Variants in ADAM32 observed in about 807,000 individuals in gnomAD.
ADAM32 encodes the protein disintegrin and metalloproteinase domain-containing protein 32.
A neutral mutation model predicts 114.9 loss-of-function variants in ADAM32; 89 were observed. The observed-to-expected ratio is 0.77, with a 90% CI of 0.65 to 0.92. The LOEUF (loss-of-function observed/expected upper bound fraction) is 0.92, where lower values mean the gene tolerates loss of function less well. Ranked by LOEUF, ADAM32 falls within the 40% of genes least tolerant of loss-of-function variation. The pLI, the probability that ADAM32 is intolerant of heterozygous loss-of-function variation, is 0.00. For missense variants in ADAM32, 870 were observed against 932.8 expected (o/e 0.93, Z 0.88); for synonymous variants, 285 against 307.5 (o/e 0.93, Z 0.77).
In ADAM32 at chr8:39,246,407, G is replaced by C. The variant is rs576536651; in HGVS notation, c.1902+241G>C. On this transcript the variant is annotated intron_variant, in intron 17 of 24. Transcript: ENST00000379907. ...TGTTATAATTGGGTACTTTTCAGAG[G>C]GTGTTAAATTTTCTGATAAATACAT... Among the ~76,000 whole-genome samples, 9 of 152,128 alleles carry C rather than the reference G, an allele frequency of 5.9e-5. No homozygotes were observed. In the East Asian group the frequency reaches 1.3e-3, roughly 23 times the overall value.
At chr8:39,196,029 C>T (rs1318194082) in intron 11 of ADAM32, among the ~76,000 whole-genome samples, 4 of 151,916 alleles carry the variant, frequency 2.6e-5, no homozygotes, top group African/African-American at 9.7e-5. Context: ...ATCTCTGTTT[C>T]GTAGTTTTTG....
At chr8:39,213,574 G>T (rs563738416) in intron 12 of ADAM32, among the ~76,000 whole-genome samples, 37 of 152,036 alleles carry the variant, frequency 2.4e-4, no homozygotes, top group African/African-American at 8.0e-4. Context: ...ATATTTATGG[G>T]TTACATGAGA....
chr8:39,109,440 G>C (rs370327956), intron 1 of ADAM32, among the ~76,000 whole-genome samples: 1 of 152,016 alleles, frequency 6.6e-6, no homozygotes, highest in Admixed American at 6.6e-5. Context: ...CCAGCTACTC[G>C]GGAAGCTGAG....
chr8:39,153,777 C>G (rs529519026), intron 6 of ADAM32, among the ~76,000 whole-genome samples: 1 of 152,224 alleles, frequency 6.6e-6, no homozygotes, highest in African/African-American at 2.4e-5. Flanking sequence ...CATATAAATC[C>G]TGTCTCAGAT....
chr8:39,141,188 C>T (rs1463472790), intron 3 of ADAM32, among the ~76,000 whole-genome samples: 2 of 152,122 alleles, frequency 1.3e-5, no homozygotes, highest in African/African-American at 4.8e-5. Context: ...TCTCCATATC[C>T]ATCAGTTCTG....
intron 19 of ADAM32, among the ~76,000 whole-genome samples, chr8:39,259,665 GTTA>G (rs771787122): frequency 3.0e-4 from 45 of 151,852 alleles, no homozygotes; most frequent in Non-Finnish European, 7.4e-5. Context: ...TGTTATTTTT[GTTA>G]TTATCATCTT....
At chr8:39,234,811 A>G (rs757357746) in intron 16 of ADAM32, among the ~76,000 whole-genome samples, 1 of 152,250 alleles carries the variant, frequency 6.6e-6, no homozygotes, top group Non-Finnish European at 1.5e-5. Context: ...GTAGAACACA[A>G]CATCCAAATA....
At chr8:39,194,708 C>T (rs1233122285) in intron 11 of ADAM32, among the ~76,000 whole-genome samples, 1 of 152,122 alleles carries the variant, frequency 6.6e-6, no homozygotes, top group African/African-American at 2.4e-5. Context: ...GGAGAGTCCA[C>T]CAGTTAGAGG....
chr8:39,203,827 G>C (rs1036267154), intron 11 of ADAM32, among the ~76,000 whole-genome samples: 1 of 152,128 alleles, frequency 6.6e-6, no homozygotes, highest in African/African-American at 2.4e-5. Flanking sequence ...GGCAGGCCTG[G>C]TGGTGACAAA....
At chr8:39,261,736 A>C (rs553324564) in intron 19 of ADAM32, among the ~76,000 whole-genome samples, 6 of 152,214 alleles carry the variant, frequency 3.9e-5, no homozygotes, top group African/African-American at 1.4e-4. Flanking sequence ...TTTTGATAAA[A>C]GCCATACTAA....
rs1811721527 is a variant in ADAM32 at position 39,257,355 on chromosome 8, T to C, written c.2162+12T>C. 1 of 1,612,628 alleles carries C rather than the reference T, an allele frequency of 6.2e-7. No homozygotes were observed. The highest frequency in any genetic ancestry group is 1.3e-5 in the African/African-American group (1 of 74,876). ...TTCCCAAGTAGCGAGTAAATTGCAT[T>C]TGTGTTCTGAAGTTAAACATTAGTA... On this transcript the variant is annotated intron_variant, in intron 19 of 24. Transcript: ENST00000379907.
At chr8:39,146,113 G>A (rs764911191) in intron 3 of ADAM32, among the ~76,000 whole-genome samples, 3 of 152,178 alleles carry the variant, frequency 2.0e-5, no homozygotes, top group East Asian at 1.9e-4. Flanking sequence ...TGTGAGATCA[G>A]TTTGAGTGGA....
chr8:39,270,841 A>G, intron 19 of ADAM32, 35 bp from the exon 20 acceptor site: 1 of 1,572,246 alleles, frequency 6.4e-7, no homozygotes, highest in Non-Finnish European at 8.7e-7. Context: ...AAGTTTTCTA[A>G]GTACTAACAT....
intron 8 of ADAM32, 48 bp downstream of exon 8, chr8:39,164,883 T>G: frequency 6.4e-7 from 1 of 1,554,236 alleles, no homozygotes; most frequent in Non-Finnish European, 8.8e-7. Flanking sequence ...TTTGAAATGA[T>G]AATTTGCCTA....
chr8:39,157,835 G>T, intron 6 of ADAM32: 3 of 737,664 alleles, frequency 4.1e-6, no homozygotes, highest in South Asian at 3.2e-5. Flanking sequence ...TGGAGGCACT[G>T]ATCAATTTGC....
intron 11 of ADAM32, among the ~76,000 whole-genome samples, chr8:39,202,370 C>T (rs1416895730): frequency 1.3e-5 from 2 of 152,088 alleles, no homozygotes; most frequent in African/African-American, 4.8e-5. Context: ...GTGTATGTGT[C>T]CAGGAATTTA....
At chr8:39,234,795 T>C (rs909208754) in intron 16 of ADAM32, among the ~76,000 whole-genome samples, 1 of 152,212 alleles carries the variant, frequency 6.6e-6, no homozygotes, top group East Asian at 1.9e-4. Flanking sequence ...TGCTTAGGCA[T>C]TGGAAGTAGA....
At chr8:39,217,358 G>T (rs762074651) in intron 12 of ADAM32, among the ~76,000 whole-genome samples, 3 of 151,930 alleles carry the variant, frequency 2.0e-5, no homozygotes, top group Non-Finnish European at 4.4e-5. Flanking sequence ...GGTTAAATCT[G>T]CTTGGTGTTC....
intron 2 of ADAM32, among the ~76,000 whole-genome samples, chr8:39,135,860 T>G (rs1240195936): frequency 6.6e-6 from 1 of 152,160 alleles, no homozygotes; most frequent in Non-Finnish European, 1.5e-5. Flanking sequence ...GTACATGATA[T>G]CAAGTTGAGT....
Sources: allele counts gnomAD v4.1 joint callset (sites outside exome capture counted in the v4.1 genomes callset), GRCh38; gene constraint gnomAD v4.1.1; transcripts MANE v1.5; gene names NCBI Gene and HGNC (gene_info 2026-07-23, HGNC 2026-07-21).